Variants in EPN2 observed in about 807,000 individuals in gnomAD.
EPN2 encodes the protein epsin-2.
Under a neutral mutation model 61.7 loss-of-function variants are expected in EPN2, and 34 were observed. That is an observed-to-expected ratio of 0.55 (90% CI 0.42 to 0.73). The LOEUF is 0.73. Among genes scored for constraint, EPN2 ranks in the 30% least tolerant of loss-of-function variants. The probability of loss-of-function intolerance (pLI) is 0.00; values close to 1 mark genes in which losing one functional copy is unlikely to be tolerated. For missense variants in EPN2, 714 were observed against 839.2 expected (o/e 0.85, Z 1.84); for synonymous variants, 349 against 353.6 (o/e 0.99, Z 0.15).
At chr17:19,292,681 T>G (rs2045477201) in intron 4 of EPN2, among the ~76,000 whole-genome samples, 1 of 152,196 alleles carries the variant, frequency 6.6e-6, no homozygotes, top group Non-Finnish European at 1.5e-5. Flanking sequence ...GGGTTTTAAG[T>G]GGGATTTGAA....
chr17:19,293,620 T>C (rs2045486872), intron 4 of EPN2, among the ~76,000 whole-genome samples: 1 of 147,808 alleles, frequency 6.8e-6, no homozygotes, highest in Non-Finnish European at 1.5e-5. Flanking sequence ...CTGGAACTCC[T>C]GGGCTCAAGC....
Position 19,292,583 on chromosome 17 carries a change from A to G in EPN2, c.766+6793A>G, listed in dbSNP as rs562918027. ...GTCATGGAGGAAGCTGATCAGTAAC[A>G]TGAACACACCCTCAGAGGCAGCAGA... On this transcript the variant is annotated intron_variant, in intron 4 of 10. Coordinates refer to ENST00000314728, the MANE Select transcript of EPN2 (RefSeq NM_014964.5). Among the ~76,000 whole-genome samples, 11 of 152,380 alleles carry G rather than the reference A, an allele frequency of 7.2e-5. No individual in the cohort carries two copies. The East Asian group carries it at 1.7e-3, about 24-fold the overall frequency.
In EPN2 at chr17:19,326,457, C is replaced by T. The variant is rs181549165; in HGVS notation, c.1148-2254C>T. Among the ~76,000 whole-genome samples the T allele has an allele frequency of 5.3e-3, 803 of 152,064 alleles. 2 individuals carry two copies. Among genetic ancestry groups the T allele is most frequent in the Non-Finnish European group, 9.6e-3 (651 of 67,962 alleles). On this transcript the variant is annotated intron_variant, in intron 7 of 10. Coordinates refer to ENST00000314728, the MANE Select transcript of EPN2 (RefSeq NM_014964.5). The stretch of plus-strand genomic sequence containing the variant: ...ATCCCAGCACTTTGGGAGGCCAAGG[C>T]GGGCAGATCACAAGGTCAGGAGATC...
chr17:19,254,707 G>A (rs148928934), intron 1 of EPN2, among the ~76,000 whole-genome samples: 1 of 152,198 alleles, frequency 6.6e-6, no homozygotes, highest in African/African-American at 2.4e-5. Context: ...GAGGTTTGAG[G>A]ATGAGTAGTG....
At chr17:19,321,699 G>A (rs920723029) in intron 7 of EPN2, among the ~76,000 whole-genome samples, 2 of 145,728 alleles carry the variant, frequency 1.4e-5, no homozygotes, top group Admixed American at 6.9e-5. Context: ...CAGGGAAAGC[G>A]AGGCTCCAGT....
intron 4 of EPN2, among the ~76,000 whole-genome samples, chr17:19,302,894 ACT>A (rs531946279): frequency 7.7e-4 from 118 of 152,302 alleles, no homozygotes; most frequent in Non-Finnish European, 1.5e-3. Context: ...CGTCTGCCAC[ACT>A]GGGCTGCTCT....
chr17:19,237,746 C>G (rs1315530558), intron 1 of EPN2, among the ~76,000 whole-genome samples: 2 of 152,302 alleles, frequency 1.3e-5, no homozygotes, highest in South Asian at 2.1e-4. Flanking sequence ...TGGAGCATGG[C>G]CCCCTTCCCA....
In EPN2 at chr17:19,335,218, C is replaced by T. The variant is rs1907348823; in HGVS notation, c.*964C>T. ...ACAAAAAATCCTAGCCTCCAGTTGCCTTTTCCTTTCTTTAGCTCCTGTTTT... is the reference window on the plus strand; with the variant it reads ...ACAAAAAATCCTAGCCTCCAGTTGCTTTTTCCTTTCTTTAGCTCCTGTTTT... On this transcript the variant is annotated 3_prime_UTR_variant, in exon 11 of 11. Coordinates refer to ENST00000314728, the MANE Select transcript of EPN2 (RefSeq NM_014964.5). 2.2e-6 allele frequency: 1 copy of T among 461,578 alleles called. No individual in the cohort carries two copies. The highest frequency in any genetic ancestry group is 2.0e-5 in the African/African-American group (1 of 50,266). The allele number at this position is 461,578 out of a possible 1,614,324, so 28.6% of individuals were successfully genotyped here.
chr17:19,309,381 G>A (rs1413014456), intron 4 of EPN2, among the ~76,000 whole-genome samples: 1 of 152,126 alleles, frequency 6.6e-6, no homozygotes, highest in African/African-American at 2.4e-5. Flanking sequence ...CGCCCGCCTC[G>A]GCCTCCCAAA....
At position 19,334,271 on chromosome 17, in the gene EPN2, C is replaced by T. The variant is rs1425368412; in HGVS notation, c.*17C>T. On this transcript the variant is annotated 3_prime_UTR_variant, in exon 11 of 11. Transcript: ENST00000314728. This position sits in a 1 kb window ranked among gnomAD's most constrained non-coding sequence, Gnocchi z 4.9. ...CTTCTCTAGTGCCTGGGCCTGGGAC[C>T]CACCCAGAGCACCTGTGCTGGAGGA... The T allele has an allele frequency of 1.9e-5, 27 of 1,423,338 alleles. No homozygotes were observed. Among genetic ancestry groups the T allele is most frequent in the Non-Finnish European group, 2.5e-5 (27 of 1,080,502 alleles). The allele number at this position is 1,423,338 out of a possible 1,614,324, so 88.2% of individuals were successfully genotyped here.
chr17:19,255,444 A>C (rs1234659598), intron 1 of EPN2, among the ~76,000 whole-genome samples: 1 of 95,924 alleles, frequency 1.0e-5, no homozygotes, highest in African/African-American at 5.9e-5. Flanking sequence ...TACTTTATTT[A>C]TTTATTTATT....
intron 1 of EPN2, among the ~76,000 whole-genome samples, chr17:19,253,523 TC>T (rs2045038897): frequency 1.3e-5 from 2 of 151,306 alleles, no homozygotes; most frequent in Non-Finnish European, 2.9e-5. Context: ...CAAGGGATCT[TC>T]CCACCTCAGC....
At chr17:19,277,093 C>G (rs1229914730) in intron 1 of EPN2, among the ~76,000 whole-genome samples, 5 of 152,200 alleles carry the variant, frequency 3.3e-5, no homozygotes, top group Non-Finnish European at 7.4e-5. Flanking sequence ...GAAAACAAAA[C>G]TCAGATTCTA....
chr17:19,289,603 A>G lies in EPN2; in HGVS notation c.766+3813A>G, dbSNP rs180881312. Among the ~76,000 whole-genome samples, 322 of 152,136 alleles carry G rather than the reference A, an allele frequency of 2.1e-3. 4 individuals carry two copies. The highest frequency in any genetic ancestry group is 7.6e-3 in the African/African-American group (315 of 41,504). ...CCTAGACACGCAAGTGGAGGTGTCA[A>G]GAAGGTCTGAGAAGTCTGGAGTTGG... On this transcript the variant is annotated intron_variant, in intron 4 of 10. Coordinates refer to ENST00000314728, the MANE Select transcript of EPN2 (RefSeq NM_014964.5).
At chr17:19,296,798 G>A (rs2059918812) in intron 4 of EPN2, 1 of 152,160 alleles carries the variant, frequency 6.6e-6, no homozygotes, top group South Asian at 2.0e-4. Flanking sequence ...TAGTAGAGAC[G>A]AGGTCTTCCT....
At chr17:19,294,570 G>T (rs1026276511) in intron 4 of EPN2, among the ~76,000 whole-genome samples, 4 of 152,212 alleles carry the variant, frequency 2.6e-5, no homozygotes, top group African/African-American at 9.7e-5. Flanking sequence ...CTGTCAATAA[G>T]TGTAGAAGGT....
At chr17:19,289,438 G>T (rs2045438473) in intron 4 of EPN2, among the ~76,000 whole-genome samples, 1 of 152,094 alleles carries the variant, frequency 6.6e-6, no homozygotes. Context: ...GGACTGGGCA[G>T]AGTGAGAGGG....
At position 19,328,867 on chromosome 17, in the gene EPN2, C is replaced by A. The variant is rs1329266966; in HGVS notation, c.1304C>A (p.Thr435Asn). ...GACGCGTGGGGCGCAGTCTCCACCACCAAGCCCGTGTCTGTCTCTGGTGAG... is the reference window on the plus strand; with the variant it reads ...GACGCGTGGGGCGCAGTCTCCACCAACAAGCCCGTGTCTGTCTCTGGTGAG... ...ASDAWGAVST[T>N]KPVSVSGSFE... Residue 435 changes from threonine to asparagine, a missense_variant, in exon 8 of 11, where the codon ACC (threonine) becomes AAC (asparagine). Thr to Asn is a moderately conservative substitution (Grantham distance 65, BLOSUM62 0). Around this residue, in one of 2 missense-constraint regions of EPN2, gnomAD observed 410 missense variants for 421.8 expected, o/e 0.97. Coordinates refer to ENST00000314728, the MANE Select transcript of EPN2 (RefSeq NM_014964.5). 25 of 1,612,236 alleles carry A rather than the reference C, an allele frequency of 1.6e-5. No homozygotes were observed. Among genetic ancestry groups the A allele is most frequent in the Non-Finnish European group, 2.0e-5 (24 of 1,179,000 alleles).
chr17:19,308,787 A>G (rs1251040676), intron 4 of EPN2, among the ~76,000 whole-genome samples: 1 of 152,192 alleles, frequency 6.6e-6, no homozygotes, highest in Non-Finnish European at 1.5e-5. Context: ...CTAAAACTAC[A>G]ATAATTTCTA....
Sources: allele counts gnomAD v4.1 joint callset (sites outside exome capture counted in the v4.1 genomes callset), GRCh38; gene constraint gnomAD v4.1.1; regional missense constraint gnomAD v4.1.1; non-coding constraint Gnocchi (gnomAD v3.1); transcripts MANE v1.5; gene names NCBI Gene and HGNC (gene_info 2026-07-23, HGNC 2026-07-21).